AP3D1: variants seen among roughly 807,000 people sequenced by gnomAD.
AP3D1 encodes AP-3 complex subunit delta-1.
A neutral mutation model predicts 147.6 loss-of-function variants in AP3D1; 51 were observed. The ratio of observed to expected loss-of-function variants is 0.35; its 90% CI spans 0.28 to 0.44. The LOEUF is 0.44. AP3D1 is among the 20% of genes least tolerant of loss of function. The pLI is 1.00. For synonymous variants in AP3D1, 760 were observed against 663.0 expected, an observed-to-expected ratio of 1.15 and a Z score of -2.25; for missense variants, 1,421 against 1,624.2, an observed-to-expected ratio of 0.87 and a Z score of 2.15.
intron 4 of AP3D1, among the ~76,000 whole-genome samples, chr19:2,132,954 C>A (rs570300029): frequency 1.3e-5 from 2 of 152,228 alleles, no homozygotes; most frequent in South Asian, 4.2e-4. Flanking sequence ...AAGCACTCTG[C>A]GTGGGAATCA....
At position 2,123,994 on chromosome 19, in the gene AP3D1, C is replaced by A. The variant is rs116412786; in HGVS notation, c.857-115G>T. 2,563 of 1,171,526 alleles carry A rather than the reference C, an allele frequency of 2.2e-3. 44 individuals are homozygous for A. The African/African-American group carries it at 0.035, about 16-fold the overall frequency. 72.6% of individuals were successfully genotyped at this position (1,171,526 alleles called of 1,614,324 possible). ...CCGGGAGGAGGGATGGGAGGGAGGACAGAAATGCCACTGAGTTTGGGACCA... is the reference window on the plus strand; with the variant it reads ...CCGGGAGGAGGGATGGGAGGGAGGAAAGAAATGCCACTGAGTTTGGGACCA... On this transcript the variant is annotated intron_variant, in intron 9 of 31. Coordinates refer to ENST00000643116, the MANE Select transcript of AP3D1 (RefSeq NM_001261826.3).
upstream of AP3D1, among the ~76,000 whole-genome samples, chr19:2,152,435 C>T (rs62128407): frequency 6.6e-6 from 1 of 151,570 alleles, no homozygotes; most frequent in Admixed American, 6.6e-5. Flanking sequence ...CCCAGCTATT[C>T]GGGAGGGTGA....
chr19:2,135,817 G>A (rs899232869), intron 4 of AP3D1, among the ~76,000 whole-genome samples: 6 of 152,270 alleles, frequency 3.9e-5, no homozygotes, highest in East Asian at 3.9e-4. Context: ...AGCTGGGCAC[G>A]ACACGTGGCC....
rs776007925 is a variant in AP3D1, at chr19:2,102,258, G to C, written c.3563C>G (p.Ser1188Cys). 3.5e-5 allele frequency: 56 copies of C among 1,613,292 alleles called. No individual in the cohort carries two copies. The highest frequency in any genetic ancestry group is 4.5e-5 in the Non-Finnish European group (53 of 1,179,312). The part of the protein sequence containing the change: ...VCLLVKKGEN[S>C]VSVDGKCSDS... ...ACTGCACTTCCCGTCGACTGAGACA[G>C]AGTTCTCACCCTGTGTAAGGAAAAA... The change falls in exon 32 of 32, where the codon TCT becomes TGT. Residue 1188 changes from serine (S) to cysteine (C), a missense_variant. Ser to Cys is a moderately radical substitution (Grantham distance 112). This residue lies in a region of AP3D1 where 9 missense variants were observed against 25.7 expected (regional missense o/e 0.35). Coordinates refer to ENST00000643116, the MANE Select transcript of AP3D1 (RefSeq NM_001261826.3).
chr19:2,139,004 G>C (rs968505225), intron 1 of AP3D1, among the ~76,000 whole-genome samples: 1 of 137,830 alleles, frequency 7.3e-6, no homozygotes, highest in African/African-American at 2.7e-5. Context: ...AGGTTGCACT[G>C]AGCCAAGATG....
chr19:2,149,325 C>T (rs2019444607), intron 1 of AP3D1, among the ~76,000 whole-genome samples: 2 of 152,160 alleles, frequency 1.3e-5, no homozygotes, highest in South Asian at 4.1e-4. Context: ...GCGGGTGGAT[C>T]ACTGAGGTCA....
chr19:2,116,366 G>C, intron 17 of AP3D1, 88 bp from the exon 18 acceptor site: 1 of 1,424,150 alleles, frequency 7.0e-7, no homozygotes, highest in Non-Finnish European at 9.5e-7. Flanking sequence ...AGCTGGGGAA[G>C]GCTGGATCTC....
Position 2,132,631 on chromosome 19 carries a change from G to T in AP3D1, c.355-53C>A, listed in dbSNP as rs575178560. The T allele has an allele frequency of 2.7e-5, 40 of 1,508,338 alleles. 1 individual carries two copies. In the South Asian group the frequency reaches 4.4e-4, roughly 17 times the overall value. The allele number at this position is 1,508,338 out of a possible 1,614,324, so 93.4% of individuals were successfully genotyped here. On this transcript the variant is annotated intron_variant, in intron 4 of 31. Transcript: ENST00000643116. Reference sequence around the variant, plus strand: ...CCAGGATGCCCTGGGTGGCACATCCGACGCCTGGGTCACCAGGAGCAGCAG... The same window carrying T: ...CCAGGATGCCCTGGGTGGCACATCCTACGCCTGGGTCACCAGGAGCAGCAG...
At chr19:2,108,879 G>A (rs1178317681) in intron 30 of AP3D1, 113 bp from the exon 31 acceptor site, 3 of 1,350,578 alleles carry the variant, frequency 2.2e-6, no homozygotes, top group East Asian at 5.0e-5. Flanking sequence ...CAGGAGGCCT[G>A]TAGGAGCAGG....
intron 16 of AP3D1, 58 bp from the exon 17 acceptor site, chr19:2,116,804 C>T (rs2018468851): frequency 1.3e-6 from 2 of 1,528,316 alleles, no homozygotes; most frequent in Non-Finnish European, 1.8e-6. Context: ...CGCCTGCAGG[C>T]GTCCGCCCTG....
At chr19:2,137,959 T>C (rs2019121038) in intron 2 of AP3D1, 152 bp from the exon 3 acceptor site, 1 of 559,560 alleles carries the variant, frequency 1.8e-6, no homozygotes, top group Non-Finnish European at 3.2e-6. Flanking sequence ...CTGGGGCCTT[T>C]AATTTCTTCT....
At chr19:2,135,036 T>G (rs997269068) in intron 4 of AP3D1, among the ~76,000 whole-genome samples, 4 of 151,088 alleles carry the variant, frequency 2.6e-5, no homozygotes, top group Admixed American at 1.3e-4. Flanking sequence ...CTGTCTCTAT[T>G]AAAAACACAA....
rs2018487200 is a variant in AP3D1 at position 2,117,375 on chromosome 19, G to C, written c.1714-8C>G. On this transcript the variant is annotated splice_polypyrimidine_tract_variant and splice_region_variant and intron_variant, in intron 15 of 31. Transcript: ENST00000643116. The stretch of plus-strand genomic sequence containing the variant: ...CTGCAGGATGCAGGACGCCTGTGGG[G>C]GACACAGGGGTCACTGCTGGCACCT... The C allele has an allele frequency of 6.3e-7, 1 of 1,584,758 alleles. No individual in the cohort carries two copies. Among genetic ancestry groups the C allele is most frequent in the South Asian group, 1.1e-5 (1 of 88,490 alleles).
At chr19:2,145,948 A>G (rs1057047166) in intron 1 of AP3D1, among the ~76,000 whole-genome samples, 6 of 152,194 alleles carry the variant, frequency 3.9e-5, no homozygotes, top group Admixed American at 3.9e-4. Flanking sequence ...TGCACCCCCC[A>G]AACACCCCAG....
At chr19:2,110,370 C>G (rs1599442480) in intron 27 of AP3D1, 146 bp from the exon 28 acceptor site, 1 of 726,084 alleles carries the variant, frequency 1.4e-6, no homozygotes, top group Non-Finnish European at 2.3e-6. Flanking sequence ...GGGACAGGAG[C>G]AGAAACAAGA....
rs561365041 is a variant in AP3D1 at position 2,143,655 on chromosome 19, T to TAAA, written c.97-4942_97-4941insTTT. On this transcript the variant is annotated intron_variant, in intron 1 of 31. Transcript: ENST00000643116. ...TGGTGGCACATCGTGTAGTCACAGC[T>TAAA]ACTTGCAAGGTTGAGGTAAGAGGAT... is the stretch of plus-strand genomic sequence containing the variant. Among the ~76,000 whole-genome samples the TAAA allele has an allele frequency of 4.6e-5, 7 of 152,100 alleles. No homozygotes were observed. The South Asian group carries it at 1.5e-3, about 32-fold the overall frequency.
chr19:2,104,230 AT>A (rs1311453924), intron 31 of AP3D1, among the ~76,000 whole-genome samples: 2 of 150,954 alleles, frequency 1.3e-5, no homozygotes, highest in African/African-American at 4.9e-5. Context: ...CAACACCGAG[AT>A]GCCGAAACCC....
rs749105034 is a variant in AP3D1, at chr19:2,129,357, G to A, written c.693C>T (p.Ser231=). The change falls in exon 7 of 32, where the codon TCC becomes TCT. Residue 231 remains serine (S), a synonymous_variant. Transcript: ENST00000643116. The part of the protein sequence containing the change: ...LAPLFFKLMT[S]STNNWVLIKI... ...TGATGAGGACCCAGTTGTTGGTGGAGGACGTCATCAGCTTGAAAAAGAGCG... is the reference window on the plus strand; with the variant it reads ...TGATGAGGACCCAGTTGTTGGTGGAAGACGTCATCAGCTTGAAAAAGAGCG... The A allele has an allele frequency of 1.9e-6, 3 of 1,614,092 alleles. No individual in the cohort carries two copies. The highest frequency in any genetic ancestry group is 8.5e-7 in the Non-Finnish European group (1 of 1,180,028).
At chr19:2,128,378 C>T (rs1341339604) in intron 8 of AP3D1, among the ~76,000 whole-genome samples, 1 of 152,092 alleles carries the variant, frequency 6.6e-6, no homozygotes, top group Non-Finnish European at 1.5e-5. Flanking sequence ...GGACAGTCAT[C>T]TTTCAGCTGC....
Sources: allele counts gnomAD v4.1 joint callset (sites outside exome capture counted in the v4.1 genomes callset), GRCh38; gene constraint gnomAD v4.1.1; regional missense constraint gnomAD v4.1.1; transcripts MANE v1.5; gene names NCBI Gene and HGNC (gene_info 2026-07-23, HGNC 2026-07-21).